PPT1: variants seen among roughly 807,000 people sequenced by gnomAD.
PPT1 encodes palmitoyl-protein thioesterase 1.
In PPT1, 24 loss-of-function variants were observed where a neutral mutation model predicts 44.0. The observed-to-expected ratio is 0.54, with a 90% CI of 0.39 to 0.77. The LOEUF (loss-of-function observed/expected upper bound fraction) is 0.77. Ranked by LOEUF, PPT1 falls within the 30% of genes least tolerant of loss-of-function variation. The probability of loss-of-function intolerance (pLI) is 0.00; values close to 1 mark genes in which losing one functional copy is unlikely to be tolerated. For synonymous variants in PPT1, 148 were observed against 140.2 expected (o/e 1.06, Z -0.39); for missense variants, 341 against 378.8 (o/e 0.90, Z 0.83).
chr1:40,079,189 A>G (rs1323226791), intron 6 of PPT1, among the ~76,000 whole-genome samples: 1 of 152,004 alleles, frequency 6.6e-6, no homozygotes, highest in Non-Finnish European at 1.5e-5. Flanking sequence ...CTTTTTTATG[A>G]CTGTGTAATA....
At chr1:40,080,614 A>G (rs896619076) in intron 5 of PPT1, 127 bp from the exon 6 acceptor site, 22 of 831,046 alleles carry the variant, frequency 2.6e-5, no homozygotes, top group Non-Finnish European at 3.8e-5. Flanking sequence ...AGTGGCTCAC[A>G]CCTGTAATCC....
At chr1:40,088,535 A>G (rs1649384865) in intron 5 of PPT1, among the ~76,000 whole-genome samples, 1 of 152,222 alleles carries the variant, frequency 6.6e-6, no homozygotes, top group Non-Finnish European at 1.5e-5. Flanking sequence ...CAACTGAACA[A>G]GCACATACTA....
chr1:40,084,669 C>T (rs1452147983), intron 5 of PPT1, among the ~76,000 whole-genome samples: 1 of 152,182 alleles, frequency 6.6e-6, no homozygotes, highest in Admixed American at 6.5e-5. Context: ...TTATCCTAGA[C>T]CTAGATCATA....
In PPT1 at chr1:40,080,495, A is replaced by G. The variant is rs773581354; in HGVS notation, c.537-8T>C. ...TATTCGGCTTGCACGAGGCTGTAGG[A>G]AAAAAAAAGAATGAGGTGATCAAGC... On this transcript the variant is annotated splice_polypyrimidine_tract_variant and splice_region_variant and intron_variant, in intron 5 of 8. Transcript: ENST00000642050. 6 of 1,594,566 alleles carry G rather than the reference A, an allele frequency of 3.8e-6. No homozygotes were observed. The East Asian group carries it at 6.8e-5, about 18-fold the overall frequency.
In PPT1 at chr1:40,092,455, C is replaced by T. The variant is rs1322148659; in HGVS notation, c.177G>A (p.Glu59=). 3 of 1,613,916 alleles carry T rather than the reference C, an allele frequency of 1.9e-6. No individual in the cohort carries two copies. Among genetic ancestry groups the T allele is most frequent in the Admixed American group, 1.7e-5 (1 of 60,000 alleles). ...AGACGTAAATTCCAGGTATTTTCTT[C>T]TCCACCATTTTTTTAATAGCACCCA... ...LSMGAIKKMV[E]KKIPGIYVLS... Residue 59 remains glutamate, a synonymous_variant, in exon 2 of 9, where the codon GAG becomes GAA. Coordinates refer to ENST00000642050, the MANE Select transcript of PPT1 (RefSeq NM_000310.4).
In PPT1 at chr1:40,073,133, C is replaced by CA. The variant is rs1400841379; in HGVS notation, c.*927dup. 1 of 152,184 alleles carries CA rather than the reference C, an allele frequency of 6.6e-6. No individual in the cohort carries two copies. Among genetic ancestry groups the CA allele is most frequent in the African/African-American group, 2.4e-5 (1 of 41,438 alleles). The allele number at this position is 152,184 out of a possible 1,614,324, so 9.4% of individuals were successfully genotyped here. On this transcript the variant is annotated 3_prime_UTR_variant, in exon 9 of 9. Transcript: ENST00000642050. Reference sequence around the variant, plus strand: ...AGCAAACAATCCTTTTCTCATGGAACACATCAGAAACAGTTTGGAGTATGC... The same window carrying CA: ...AGCAAACAATCCTTTTCTCATGGAACAACATCAGAAACAGTTTGGAGTATGC...
chr1:40,077,693 G>A (rs1413857896), intron 7 of PPT1, among the ~76,000 whole-genome samples: 2 of 152,134 alleles, frequency 1.3e-5, no homozygotes, highest in Admixed American at 1.3e-4. Context: ...CTAAAAAAGC[G>A]ATCACATTCT....
At chr1:40,091,878 A>G (rs1484128719) in intron 3 of PPT1, among the ~76,000 whole-genome samples, 167 bp downstream of exon 3, 1 of 152,008 alleles carries the variant, frequency 6.6e-6, no homozygotes, top group African/African-American at 2.4e-5. Context: ...AAAAAAAAAA[A>G]AAAGAAAAGA....
intron 8 of PPT1, among the ~76,000 whole-genome samples, chr1:40,075,477 C>CTTTTTTTTT: frequency 6.9e-6 from 1 of 144,702 alleles, no homozygotes; most frequent in Non-Finnish European, 1.5e-5. Flanking sequence ...TTTCTCAAGC[C>CTTTTTTTTT]TTTTTTTTTT....
At chr1:40,071,770 G>A (rs1406776188), downstream of PPT1, 11 of 548,930 alleles carry the variant, frequency 2.0e-5, no homozygotes, top group Middle Eastern at 4.8e-4. Context: ...CAACCACGCC[G>A]CCAGTCCATT....
At chr1:40,075,997 A>G (rs1294518736) in intron 8 of PPT1, among the ~76,000 whole-genome samples, 3 of 144,828 alleles carry the variant, frequency 2.1e-5, no homozygotes, top group Non-Finnish European at 3.0e-5. Flanking sequence ...AAAAATCCTT[A>G]AAGTGTAGAA....
At chr1:40,081,190 C>G (rs1648918168) in intron 5 of PPT1, among the ~76,000 whole-genome samples, 1 of 152,094 alleles carries the variant, frequency 6.6e-6, no homozygotes, top group African/African-American at 2.4e-5. Flanking sequence ...TGGGTCTTTC[C>G]TGTGCTGTTC....
chr1:40,091,918 G>C (rs1649585485), intron 3 of PPT1, 127 bp downstream of exon 3: 10 of 1,209,602 alleles, frequency 8.3e-6, no homozygotes, highest in Non-Finnish European at 1.2e-5. Context: ...TCTTACACAG[G>C]AACATTTTAG....
intron 5 of PPT1, among the ~76,000 whole-genome samples, chr1:40,082,531 C>CTAGA (rs1649009315): frequency 6.6e-6 from 1 of 152,000 alleles, no homozygotes; most frequent in African/African-American, 2.4e-5. Flanking sequence ...TCTGAGTGGT[C>CTAGA]TAGATAGAAG....
At chr1:40,096,889 C>T in intron 1 of PPT1, 1 of 727,162 alleles carries the variant, frequency 1.4e-6, no homozygotes, top group Non-Finnish European at 2.3e-6. Flanking sequence ...AAAACTTCAA[C>T]GCCGTGCGCG....
intron 1 of PPT1, 42 bp from the exon 2 acceptor site, chr1:40,092,549 T>C (rs953826183): frequency 2.1e-6 from 3 of 1,432,266 alleles, no homozygotes; most frequent in African/African-American, 1.4e-5. Context: ...TGAGTCCAAA[T>C]ATTGTTTATT....
intron 1 of PPT1, among the ~76,000 whole-genome samples, chr1:40,096,080 C>G (rs1649825128): frequency 6.6e-6 from 1 of 152,204 alleles, no homozygotes. Context: ...TTCCCATTTA[C>G]TGTTCCTTCT....
At chr1:40,081,031 G>T (rs1357065590) in intron 5 of PPT1, among the ~76,000 whole-genome samples, 4 of 152,130 alleles carry the variant, frequency 2.6e-5, no homozygotes, top group African/African-American at 9.7e-5. Context: ...TCAGGCAAAG[G>T]ACTCATCAAT....
chr1:40,094,236 T>G (rs1361518838), intron 1 of PPT1, among the ~76,000 whole-genome samples: 1 of 152,186 alleles, frequency 6.6e-6, no homozygotes, highest in Non-Finnish European at 1.5e-5. Context: ...ACCAGGTTTG[T>G]GGAAGACAAT....
Sources: gnomAD v4.1 joint callset for allele counts (sites outside exome capture counted in the v4.1 genomes callset) on GRCh38, gnomAD v4.1.1 for gene constraint, MANE v1.5 for transcripts, NCBI Gene and HGNC (gene_info 2026-07-23, HGNC 2026-07-21) for gene names.